BDP1: variants seen among roughly 807,000 people sequenced by gnomAD.
BDP1 encodes the protein BDP1 general transcription factor IIIB subunit, also known as transcription factor TFIIIB component B'' homolog.
In BDP1, 169 loss-of-function variants were observed where a neutral mutation model predicts 266.6. The observed-to-expected ratio is 0.63, with a 90% confidence interval of 0.56 to 0.72. The LOEUF is 0.72. Ranked by LOEUF, BDP1 falls within the 30% of genes least tolerant of loss-of-function variation. BDP1 has a pLI of 0.00. For missense variants in BDP1, 3,015 were observed against 3,053.8 expected (o/e 0.99, Z 0.30); for synonymous variants, 1,090 against 1,022.4 (o/e 1.07, Z -1.26).
intron 11 of BDP1, among the ~76,000 whole-genome samples, chr5:71,493,552 A>C (rs114848974): frequency 0.015 from 2,350 of 152,324 alleles, 72 homozygotes; most frequent in African/African-American, 0.054. Context: ...TAGGGGAAAA[A>C]CAACCTTGTA....
chr5:71,558,678 A>C (rs1449545463), intron 36 of BDP1, among the ~76,000 whole-genome samples: 1 of 148,708 alleles, frequency 6.7e-6, no homozygotes, highest in African/African-American at 2.5e-5. Flanking sequence ...ATACAAAAAT[A>C]AGCTGGGCGT....
chr5:71,523,936 T>C lies in BDP1; in HGVS notation c.5388-3T>C. 1 of 1,603,534 alleles carries C rather than the reference T, an allele frequency of 6.2e-7. No homozygotes were observed. The highest frequency in any genetic ancestry group is 8.5e-7 in the Non-Finnish European group (1 of 1,174,762). Reference sequence around the variant, plus strand: ...CTTATTGTTGTTTTGATTAAATATCTAGCTGTCCACAACCGTTAAACGAAA... The same window carrying C: ...CTTATTGTTGTTTTGATTAAATATCCAGCTGTCCACAACCGTTAAACGAAA... On this transcript the variant is annotated splice_polypyrimidine_tract_variant and splice_region_variant and intron_variant, in intron 24 of 38. Transcript: ENST00000358731.
At chr5:71,458,513 G>C in intron 1 of BDP1, 66 bp from the exon 2 acceptor site, 1 of 1,242,516 alleles carries the variant, frequency 8.0e-7, no homozygotes, top group Non-Finnish European at 1.1e-6. Flanking sequence ...ACCAGACTAG[G>C]TTTTAAAACT....
chr5:71,568,820 T>C (rs1035368930), downstream of BDP1, among the ~76,000 whole-genome samples: 1 of 152,106 alleles, frequency 6.6e-6, no homozygotes, highest in African/African-American at 2.4e-5. Context: ...CATTTTTTTG[T>C]CAAAAATCAA....
intron 32 of BDP1, 70 bp from the exon 33 acceptor site, chr5:71,548,612 T>C (rs1742502632): frequency 1.1e-6 from 1 of 924,788 alleles, no homozygotes. Context: ...CTATATCATA[T>C]TGACAGGAAT....
chr5:71,490,928 T>TA, intron 10 of BDP1, 56 bp from the exon 11 acceptor site: 1 of 1,551,934 alleles, frequency 6.4e-7, no homozygotes, highest in Non-Finnish European at 8.7e-7. Context: ...CTTTGTGCTC[T>TA]AAAAAAGATG....
Position 71,485,337 on chromosome 5 carries a change from T to A in BDP1, c.1070-1147T>A, listed in dbSNP as rs540140087. On this transcript the variant is annotated intron_variant, in intron 8 of 38. Coordinates refer to ENST00000358731, the MANE Select transcript of BDP1 (RefSeq NM_018429.3). Reference sequence around the variant, plus strand: ...GGCTTTCTATTGGAAATTTTTTTTTTAAATTAAAACCTATATAAGTTTTTT... The same window carrying A: ...GGCTTTCTATTGGAAATTTTTTTTTAAAATTAAAACCTATATAAGTTTTTT... Among the ~76,000 whole-genome samples the A allele has an allele frequency of 2.6e-3, 392 of 152,220 alleles. 2 individuals are homozygous for A. The highest frequency in any genetic ancestry group is 8.3e-3 in the African/African-American group (345 of 41,538).
intron 15 of BDP1, 102 bp downstream of exon 15, chr5:71,502,893 T>A (rs1445424248): frequency 1.3e-6 from 1 of 780,964 alleles, no homozygotes; most frequent in Non-Finnish European, 2.0e-6. Context: ...ATACATACAT[T>A]TATTTATTTA....
chr5:71,563,038 A>C (rs1300620690), intron 38 of BDP1: 4 of 377,570 alleles, frequency 1.1e-5, no homozygotes, highest in Non-Finnish European at 1.8e-5. Flanking sequence ...TTTTGTAAAG[A>C]ACATCTTTAA....
rs906825904 is a variant in BDP1, at chr5:71,458,607, G to C, written c.241G>C (p.Val81Leu). ...TGAAAAGACTGGTGGTGACAATGAT[G>C]TTGAAGAATCCAGTAGATCTTCCTC... is the stretch of plus-strand genomic sequence containing the variant. ...STEKTGGDND[V>L]EESSRSSSTV... is the part of the protein sequence containing the mutation. The change falls in exon 2 of 39, where the codon GTT (valine) becomes CTT (leucine). Residue 81 changes from valine to leucine, a missense_variant. Val to Leu is a conservative substitution (Grantham distance 32). Coordinates refer to ENST00000358731, the MANE Select transcript of BDP1 (RefSeq NM_018429.3). 1 of 1,612,920 alleles carries C rather than the reference G, an allele frequency of 6.2e-7. No individual in the cohort carries two copies. Among genetic ancestry groups the C allele is most frequent in the African/African-American group, 1.3e-5 (1 of 74,860 alleles).
chr5:71,492,934 G>A (rs1763678286), intron 11 of BDP1, among the ~76,000 whole-genome samples: 1 of 152,164 alleles, frequency 6.6e-6, no homozygotes, highest in Non-Finnish European at 1.5e-5. Context: ...CAGAAAACCT[G>A]TACCCATTAT....
At chr5:71,516,344 C>T in intron 21 of BDP1, 73 bp downstream of exon 21, 3 of 1,119,506 alleles carry the variant, frequency 2.7e-6, no homozygotes, top group Non-Finnish European at 3.9e-6. Flanking sequence ...TCAGACATAG[C>T]TTAGAAATAC....
At position 71,489,703 on chromosome 5, in the gene BDP1, A is replaced by G. The variant is rs370483844; in HGVS notation, c.1492+21A>G. 8.4e-5 allele frequency: 133 copies of G among 1,577,456 alleles called. 1 individual carries two copies. The African/African-American group carries it at 1.7e-3, about 20-fold the overall frequency. ...CAAGAGTAAGTTTCTTACATATTTA[A>G]AAAGCCTCTATATTACTTGAGAAGA... is the stretch of plus-strand genomic sequence containing the variant. On this transcript the variant is annotated intron_variant, in intron 10 of 38. Coordinates refer to ENST00000358731, the MANE Select transcript of BDP1 (RefSeq NM_018429.3).
chr5:71,508,065 A>T (rs1393957682), intron 16 of BDP1, among the ~76,000 whole-genome samples: 14 of 152,046 alleles, frequency 9.2e-5, no homozygotes, highest in Non-Finnish European at 2.9e-5. Context: ...CCTGGGTTCC[A>T]GCTATTTTCC....
intron 34 of BDP1, among the ~76,000 whole-genome samples, chr5:71,549,952 T>C (rs1742628056): frequency 6.6e-6 from 1 of 152,216 alleles, no homozygotes; most frequent in African/African-American, 2.4e-5. Flanking sequence ...TCACAGAAAG[T>C]TGTGAAAATA....
Position 71,516,220 on chromosome 5 carries a change from A to T in BDP1, c.4809A>T (p.Glu1603Asp), listed in dbSNP as rs1292018366. The change falls in exon 21 of 39, where the codon GAA becomes GAT. Residue 1603 changes from glutamate to aspartate, a missense_variant. Physicochemically the swap from Glu to Asp is conservative, Grantham distance 45 (BLOSUM62 2). This residue lies in a region of BDP1 where 2,383 missense variants were observed against 2,404.9 expected (regional missense o/e 0.99). Transcript: ENST00000358731. ...GTGAAGCCAAAGGCATAATTAAGGA[A>T]GGAAGAACGATATTACCAAAAGATG... ...DKGEAKGIIK[E>D]GRTILPKDET... is the part of the protein sequence containing the mutation. 2 of 1,613,390 alleles carry T rather than the reference A, an allele frequency of 1.2e-6. No homozygotes were observed. The highest frequency in any genetic ancestry group is 2.7e-5 in the African/African-American group (2 of 74,880).
intron 16 of BDP1, among the ~76,000 whole-genome samples, chr5:71,506,827 A>G (rs1764616564): frequency 7.0e-6 from 1 of 143,090 alleles, no homozygotes; most frequent in South Asian, 2.3e-4. Context: ...ACACACACCC[A>G]TATTTTTTTA....
At chr5:71,547,181 A>G (rs1286265148) in intron 32 of BDP1, among the ~76,000 whole-genome samples, 5 of 151,882 alleles carry the variant, frequency 3.3e-5, no homozygotes, top group African/African-American at 7.3e-5. Context: ...CTTAAATTCA[A>G]GATCCAATCA....
In BDP1 at chr5:71,491,101, A is replaced by G. The variant is rs759754154; in HGVS notation, c.1610A>G (p.Glu537Gly). 1.9e-6 allele frequency: 3 copies of G among 1,614,102 alleles called. No individual in the cohort carries two copies. Among genetic ancestry groups the G allele is most frequent in the Non-Finnish European group, 2.5e-6 (3 of 1,179,982 alleles). The change falls in exon 11 of 39, where the codon GAG becomes GGG. Residue 537 changes from glutamate to glycine, a missense_variant. Coordinates refer to ENST00000358731, the MANE Select transcript of BDP1 (RefSeq NM_018429.3). ...GGTTTTGCCTCCACTGAAAAAGTTG[A>G]GAAAAGAACTGACCCCATCCTTTCA... ...IVGFASTEKV[E>G]KRTDPILSLS...
Sources: gnomAD v4.1 joint callset for allele counts (sites outside exome capture counted in the v4.1 genomes callset) on GRCh38, gnomAD v4.1.1 for gene constraint, gnomAD v4.1.1 regional missense constraint, MANE v1.5 for transcripts, NCBI Gene and HGNC (gene_info 2026-07-23, HGNC 2026-07-21) for gene names.